Variants in ARHGEF33 observed in about 807,000 individuals in gnomAD.
The protein encoded by ARHGEF33 is Rho guanine nucleotide exchange factor 33, also known as DH and coiled-coil domain-containing protein ENSP00000381780.
Under a neutral mutation model 101.9 loss-of-function variants are expected in ARHGEF33, and 72 were observed. The ratio of observed to expected loss-of-function variants is 0.71; its 90% CI spans 0.58 to 0.86. The LOEUF (loss-of-function observed/expected upper bound fraction) is 0.86, where lower values mean the gene tolerates loss of function less well. ARHGEF33 is among the 40% of genes least tolerant of loss of function. The pLI is 0.00. For missense variants in ARHGEF33, 1,169 were observed against 1,111.3 expected, an observed-to-expected ratio of 1.05 and a Z score of -0.74; for synonymous variants, 499 against 442.5, an observed-to-expected ratio of 1.13 and a Z score of -1.60.
At chr2:38,972,739 A>G (rs2278913) in intron 17 of ARHGEF33, among the ~76,000 whole-genome samples, 142,860 of 152,312 alleles carry the variant, frequency 0.94, 67,124 homozygotes, top group African/African-American at 0.96. Flanking sequence ...CAATGATAGT[A>G]CAAGGACTCG....
At chr2:38,967,813 C>T (rs367704637) in intron 17 of ARHGEF33, among the ~76,000 whole-genome samples, 10 of 150,446 alleles carry the variant, frequency 6.6e-5, no homozygotes, top group African/African-American at 2.4e-4. Flanking sequence ...CTCCTGACCT[C>T]AAGTGATCCA....
chr2:38,961,495 T>A (rs1237290992), intron 16 of ARHGEF33, among the ~76,000 whole-genome samples: 1 of 152,188 alleles, frequency 6.6e-6, no homozygotes, highest in African/African-American at 2.4e-5. Flanking sequence ...ATTGCTCTGA[T>A]CTGATTAAGC....
intron 2 of ARHGEF33, among the ~76,000 whole-genome samples, chr2:38,909,085 T>A (rs1666454959): frequency 6.6e-6 from 1 of 152,170 alleles, no homozygotes; most frequent in Admixed American, 6.5e-5. Context: ...TGTATACCCC[T>A]TAGTTGCTCA....
At chr2:38,959,813 T>A in intron 15 of ARHGEF33, 28 bp from the exon 16 acceptor site, 1 of 1,510,686 alleles carries the variant, frequency 6.6e-7, no homozygotes, top group Non-Finnish European at 8.9e-7. Flanking sequence ...TAAGCACAGC[T>A]CTTTTGTACT....
intron 2 of ARHGEF33, among the ~76,000 whole-genome samples, chr2:38,917,146 TA>T (rs1572746383): frequency 1.6e-5 from 2 of 126,500 alleles, no homozygotes; most frequent in East Asian, 5.2e-4. Flanking sequence ...GGCTGGAGTG[TA>T]GTGGTGTGAT....
intron 10 of ARHGEF33, among the ~76,000 whole-genome samples, chr2:38,945,865 G>A (rs1448316306): frequency 1.3e-5 from 2 of 152,246 alleles, no homozygotes; most frequent in South Asian, 2.1e-4. Flanking sequence ...CCTTACAGAC[G>A]AAGGAACTAA....
Position 38,963,536 on chromosome 2 carries a change from GGTT to G in ARHGEF33, c.2344-2465_2344-2463del, listed in dbSNP as rs1461211502. ...CAAAATAAAACAACCTATCTCACAGGGTTGTTGGGAGGATCAGGCCAAAGAAGA... is the reference window on the plus strand; with the variant it reads ...CAAAATAAAACAACCTATCTCACAGGGTTGGGAGGATCAGGCCAAAGAAGA... On this transcript the variant is annotated intron_variant, in intron 16 of 17. Coordinates refer to ENST00000409978, the MANE Select transcript of ARHGEF33 (RefSeq NM_001145451.5). Among the ~76,000 whole-genome samples, 21 of 152,268 alleles carry G rather than the reference GGTT, an allele frequency of 1.4e-4. No individual in the cohort carries two copies. The South Asian group carries it at 2.9e-3, about 21-fold the overall frequency.
chr2:38,956,146 T>TA (rs951713410), intron 13 of ARHGEF33, among the ~76,000 whole-genome samples: 5 of 151,958 alleles, frequency 3.3e-5, no homozygotes, highest in East Asian at 3.8e-4. Context: ...ACCTAGTAGG[T>TA]AAAAAAAACT....
At chr2:38,921,309 T>G in intron 3 of ARHGEF33, 65 bp from the exon 4 acceptor site, 4 of 962,240 alleles carry the variant, frequency 4.2e-6, no homozygotes, top group Non-Finnish European at 4.9e-6. Flanking sequence ...ATTCCCTGCA[T>G]GTATCTGGAG....
intron 4 of ARHGEF33, among the ~76,000 whole-genome samples, chr2:38,927,660 C>T (rs1430002870): frequency 6.6e-6 from 1 of 152,232 alleles, no homozygotes; most frequent in Non-Finnish European, 1.5e-5. Context: ...CATGCCACTG[C>T]ACTCCAGCCT....
At chr2:38,928,829 A>G in intron 4 of ARHGEF33, 78 bp from the exon 5 acceptor site, 2 of 1,356,062 alleles carry the variant, frequency 1.5e-6, no homozygotes, top group South Asian at 1.6e-5. Flanking sequence ...TTCTCAAACA[A>G]AAGAAAAATT....
At chr2:38,942,838 A>C (rs1667348506) in intron 9 of ARHGEF33, among the ~76,000 whole-genome samples, 1 of 151,918 alleles carries the variant, frequency 6.6e-6, no homozygotes, top group Non-Finnish European at 1.5e-5. Flanking sequence ...TCTTAGAAAA[A>C]CTCTGGAAAT....
intron 9 of ARHGEF33, among the ~76,000 whole-genome samples, chr2:38,941,005 A>G (rs1016158466): frequency 2.6e-5 from 4 of 152,192 alleles, no homozygotes; most frequent in African/African-American, 9.7e-5. Context: ...AAATGTCTCA[A>G]AAGACCAATC....
chr2:38,904,378 G>C lies in ARHGEF33; in HGVS notation c.-86+8529G>C, dbSNP rs573053520. Among the ~76,000 whole-genome samples, 10 of 152,066 alleles carry C rather than the reference G, an allele frequency of 6.6e-5. No homozygotes were observed. The South Asian group carries it at 2.1e-3, about 32-fold the overall frequency. ...TGGAGGGGCAGGCCAGGGACATTGTGGAGGACTTTGAGATCTCGATTTTAT... is the reference window on the plus strand; with the variant it reads ...TGGAGGGGCAGGCCAGGGACATTGTCGAGGACTTTGAGATCTCGATTTTAT... On this transcript the variant is annotated intron_variant, in intron 2 of 17. Transcript: ENST00000409978.
At chr2:38,941,062 T>C (rs1300067462) in intron 9 of ARHGEF33, among the ~76,000 whole-genome samples, 1 of 152,194 alleles carries the variant, frequency 6.6e-6, no homozygotes, top group African/African-American at 2.4e-5. Context: ...ACCAGGGAAG[T>C]TACAAATCTT....
At chr2:38,972,107 C>A (rs1668177924) in intron 17 of ARHGEF33, among the ~76,000 whole-genome samples, 1 of 152,254 alleles carries the variant, frequency 6.6e-6, no homozygotes, top group East Asian at 1.9e-4. Flanking sequence ...GAAGAAATAG[C>A]AGCCCAATTC....
At chr2:38,933,539 A>G (rs1346329268) in intron 7 of ARHGEF33, among the ~76,000 whole-genome samples, 3 of 152,038 alleles carry the variant, frequency 2.0e-5, no homozygotes. Context: ...ACCCGCCACC[A>G]TGCCTTGCTA....
At chr2:38,895,529 C>T (rs1267330983) in intron 1 of ARHGEF33, among the ~76,000 whole-genome samples, 1 of 152,074 alleles carries the variant, frequency 6.6e-6, no homozygotes, top group African/African-American at 2.4e-5. Flanking sequence ...TTATTAGTCC[C>T]CCAAACATAT....
chr2:38,949,817 C>T lies in ARHGEF33; in HGVS notation c.921-1172C>T, dbSNP rs1013962723. Among the ~76,000 whole-genome samples the T allele has an allele frequency of 2.0e-5, 3 of 152,156 alleles. No homozygotes were observed. In the South Asian group the frequency reaches 6.2e-4, roughly 32 times the overall value. ...CTCTGAGGAGGCCTCAGGAAACTTA[C>T]AATTATGGTGGAAGGCGAAGGGGAA... On this transcript the variant is annotated intron_variant, in intron 10 of 17. Transcript: ENST00000409978.
Sources: allele counts gnomAD v4.1 joint callset (sites outside exome capture counted in the v4.1 genomes callset), GRCh38; gene constraint gnomAD v4.1.1; transcripts MANE v1.5; gene names NCBI Gene and HGNC (gene_info 2026-07-23, HGNC 2026-07-21).